Variants in FRMD4B observed in about 807,000 individuals in gnomAD.
FRMD4B encodes the protein FERM domain containing 4B, also known as FERM domain-containing protein 4B.
In FRMD4B, 74 loss-of-function variants were observed where a neutral mutation model predicts 141.5. That is an observed-to-expected ratio of 0.52 (90% CI 0.43 to 0.63). The LOEUF (loss-of-function observed/expected upper bound fraction) is 0.63, where lower values mean the gene tolerates loss of function less well. Ranked by LOEUF, FRMD4B falls within the 30% of genes least tolerant of loss-of-function variation. The pLI is 0.00. For missense variants in FRMD4B, 1,366 were observed against 1,253.4 expected (o/e 1.09, Z -1.36); for synonymous variants, 506 against 467.9 (o/e 1.08, Z -1.05).
At chr3:69,499,313 A>T (rs1388742881) in intron 1 of FRMD4B, among the ~76,000 whole-genome samples, 1 of 152,206 alleles carries the variant, frequency 6.6e-6, no homozygotes, top group Non-Finnish European at 1.5e-5. Flanking sequence ...GTAGTTAAGA[A>T]GTTCCTGCTA....
At chr3:69,382,547 T>C (rs537175869) in intron 1 of FRMD4B, among the ~76,000 whole-genome samples, 100 of 152,294 alleles carry the variant, frequency 6.6e-4, no homozygotes, top group African/African-American at 2.3e-3. Flanking sequence ...TCGTGCTTTA[T>C]AAATAAAAGT....
At chr3:69,190,868 C>T (rs1199769748) in intron 17 of FRMD4B, among the ~76,000 whole-genome samples, 2 of 152,162 alleles carry the variant, frequency 1.3e-5, no homozygotes, top group Non-Finnish European at 2.9e-5. Flanking sequence ...TGCCATTTAT[C>T]GACTATGAGA....
chr3:69,385,975 G>T lies in FRMD4B; in HGVS notation c.15C>A (p.Phe5Leu), dbSNP rs1422996649. 2 of 1,599,104 alleles carry T rather than the reference G, an allele frequency of 1.3e-6. No individual in the cohort carries two copies. Among genetic ancestry groups the T allele is most frequent in the Non-Finnish European group, 1.7e-6 (2 of 1,172,602 alleles). The change falls in exon 1 of 23, where the codon TTC becomes TTA. Residue 5 changes from phenylalanine to leucine, a missense_variant. By Grantham distance (22) the Phe-to-Leu change is conservative. Transcript: ENST00000398540. Reference sequence around the variant, plus strand: ...ACAGCAGGTCCTCCACGCCACACATGAACACCGAAGCCATGCCTCCTCCTT... The same window carrying T: ...ACAGCAGGTCCTCCACGCCACACATTAACACCGAAGCCATGCCTCCTCCTT... Reference protein sequence around the residue: MASVFMCGVEDLLFS... With the variant: MASVLMCGVEDLLFS...
chr3:69,190,309 A>T (rs1040080947), intron 17 of FRMD4B, among the ~76,000 whole-genome samples: 1 of 152,254 alleles, frequency 6.6e-6, no homozygotes, highest in African/African-American at 2.4e-5. Context: ...CATTCTTATC[A>T]TAAATGCTAA....
At chr3:69,340,980 G>A (rs1702720784) in intron 1 of FRMD4B, among the ~76,000 whole-genome samples, 1 of 152,086 alleles carries the variant, frequency 6.6e-6, no homozygotes, top group Admixed American at 6.6e-5. Flanking sequence ...AATAAAAAAA[G>A]GAGTTGCATA....
chr3:69,353,872 G>A (rs951987063), intron 1 of FRMD4B, among the ~76,000 whole-genome samples: 1 of 152,136 alleles, frequency 6.6e-6, no homozygotes, highest in Non-Finnish European at 1.5e-5. Context: ...CCACTCAAAC[G>A]CTTTCTTTAC....
intron 1 of FRMD4B, among the ~76,000 whole-genome samples, chr3:69,338,386 A>C (rs58156018): frequency 0.13 from 20,171 of 152,188 alleles, 1,456 homozygotes; most frequent in South Asian, 0.18. Context: ...CAGCACACCA[A>C]CATGGCACAT....
chr3:69,442,450 TCAATCCCA>T (rs1250886168), intron 1 of FRMD4B, among the ~76,000 whole-genome samples: 4 of 152,142 alleles, frequency 2.6e-5, no homozygotes, highest in African/African-American at 9.7e-5. Flanking sequence ...AGGCAGATTG[TCAATCCCA>T]CTTCTAGAGG....
At chr3:69,540,692 C>CACACACACACATAT (rs59055951) in intron 1 of FRMD4B, among the ~76,000 whole-genome samples, 1 of 128,896 alleles carries the variant, frequency 7.8e-6, no homozygotes, top group African/African-American at 3.2e-5. Context: ...CACACACACA[C>CACACACACACATAT]GGCAGTTATT....
chr3:69,193,932 C>T (rs1172211791), intron 16 of FRMD4B, 59 bp from the exon 17 acceptor site: 2 of 1,049,576 alleles, frequency 1.9e-6, no homozygotes, highest in African/African-American at 3.2e-5. Flanking sequence ...CTCTTACATG[C>T]ATTGTGTAAT....
chr3:69,486,144 T>C (rs1248953884), intron 1 of FRMD4B, among the ~76,000 whole-genome samples: 1 of 152,212 alleles, frequency 6.6e-6, no homozygotes, highest in African/African-American at 2.4e-5. Flanking sequence ...TTTTCCCAAG[T>C]TGGCTGGAAG....
At chr3:69,351,108 A>G (rs1311410634) in intron 1 of FRMD4B, among the ~76,000 whole-genome samples, 1 of 152,234 alleles carries the variant, frequency 6.6e-6, no homozygotes, top group Non-Finnish European at 1.5e-5. Flanking sequence ...GTATACAGCA[A>G]GCCCAATACC....
At chr3:69,235,682 A>G (rs772843257) in intron 7 of FRMD4B, among the ~76,000 whole-genome samples, 1 of 152,032 alleles carries the variant, frequency 6.6e-6, no homozygotes, top group Non-Finnish European at 1.5e-5. Context: ...GAAAGGAAAA[A>G]AAAAAAGAAA....
intron 1 of FRMD4B, among the ~76,000 whole-genome samples, chr3:69,456,560 T>C (rs1318777956): frequency 6.6e-6 from 1 of 152,142 alleles, no homozygotes; most frequent in African/African-American, 2.4e-5. Context: ...CTCATTACTT[T>C]CAGAGCACTT....
intron 21 of FRMD4B, among the ~76,000 whole-genome samples, chr3:69,178,679 GAAA>G (rs11294141): frequency 1.6e-5 from 2 of 126,978 alleles, no homozygotes; most frequent in Admixed American, 1.6e-4. Context: ...CTTTAAAAAA[GAAA>G]AAAAAAAAAA....
At chr3:69,217,314 C>T (rs2093150717) in intron 10 of FRMD4B, among the ~76,000 whole-genome samples, 1 of 152,196 alleles carries the variant, frequency 6.6e-6, no homozygotes, top group East Asian at 1.9e-4. Context: ...ACACCAGAGT[C>T]AGTAGAAATT....
intron 1 of FRMD4B, among the ~76,000 whole-genome samples, chr3:69,354,110 G>A (rs1231654487): frequency 6.6e-6 from 1 of 152,132 alleles, no homozygotes; most frequent in African/African-American, 2.4e-5. Flanking sequence ...TTTCCACTCA[G>A]AAAGAAACTT....
intron 1 of FRMD4B, among the ~76,000 whole-genome samples, chr3:69,314,126 G>A (rs1325686142): frequency 9.3e-5 from 8 of 85,962 alleles, no homozygotes; most frequent in East Asian, 4.0e-4. Flanking sequence ...GCGACAGAGC[G>A]AGACTCCGTC....
At chr3:69,478,931 G>C (rs1174904191) in intron 1 of FRMD4B, among the ~76,000 whole-genome samples, 1 of 149,726 alleles carries the variant, frequency 6.7e-6, no homozygotes, top group Non-Finnish European at 1.5e-5. Context: ...AGCTCTTCTT[G>C]TTGAATTGAT....
Sources: allele counts gnomAD v4.1 joint callset (sites outside exome capture counted in the v4.1 genomes callset), GRCh38; gene constraint gnomAD v4.1.1; transcripts MANE v1.5; gene names NCBI Gene and HGNC (gene_info 2026-07-23, HGNC 2026-07-21).